CRAMP1: variants seen among roughly 807,000 people sequenced by gnomAD.
The protein encoded by CRAMP1 is protein cramped-like.
A neutral mutation model predicts 115.4 loss-of-function variants in CRAMP1; 50 were observed. The ratio of observed to expected loss-of-function variants is 0.43; its 90% CI spans 0.35 to 0.55. CRAMP1 has a LOEUF of 0.55. Among genes scored for constraint, CRAMP1 ranks in the 20% least tolerant of loss-of-function variants. The pLI is 0.01. For missense variants in CRAMP1, 1,679 were observed against 1,721.7 expected, an observed-to-expected ratio of 0.98 and a Z score of 0.44; for synonymous variants, 866 against 745.4, an observed-to-expected ratio of 1.16 and a Z score of -2.64.
Position 1,656,398 on chromosome 16 carries a change from G to A in CRAMP1, c.1641G>A (p.Gln547=). The change falls in exon 10 of 21, where the codon CAG becomes CAA. Residue 547 remains glutamine (Q), a synonymous_variant. Coordinates refer to ENST00000397412, the MANE Select transcript of CRAMP1 (RefSeq NM_020825.4). This position sits in a 1 kb window ranked among gnomAD's most constrained non-coding sequence, Gnocchi z 5.6. ...EPGALPCACG[Q]LPDLEDELSL... is the part of the protein sequence containing the mutation. ...GGGCCTTGCCGTGTGCCTGTGGCCA[G>A]CTCCCAGACCTGGAGGACGAGCTCT... The A allele has an allele frequency of 1.3e-6, 2 of 1,593,444 alleles. No homozygotes were observed. Among genetic ancestry groups the A allele is most frequent in the Non-Finnish European group, 1.7e-6 (2 of 1,170,128 alleles).
intron 8 of CRAMP1, among the ~76,000 whole-genome samples, chr16:1,653,514 C>T (rs1461261220): frequency 6.6e-6 from 1 of 152,174 alleles, no homozygotes; most frequent in African/African-American, 2.4e-5. Flanking sequence ...TGGAAATGGA[C>T]CCTTTTTCAT....
Position 1,650,752 on chromosome 16 carries a change from A to C in CRAMP1, c.828-1744A>C, listed in dbSNP as rs906969798. Among the ~76,000 whole-genome samples, 28 of 152,396 alleles carry C rather than the reference A, an allele frequency of 1.8e-4. No homozygotes were observed. In the Middle Eastern group the frequency reaches 0.01, roughly 56 times the overall value. On this transcript the variant is annotated intron_variant, in intron 6 of 20. Coordinates refer to ENST00000397412, the MANE Select transcript of CRAMP1 (RefSeq NM_020825.4). The stretch of plus-strand genomic sequence containing the variant: ...GAATAGCAACAGCAAATATAGAAGC[A>C]GCAACTCTCCTACCTGACGTGTGCA...
In CRAMP1 at chr16:1,659,398, CT is replaced by C. The variant is rs552037975; in HGVS notation, c.2236-478del. Among the ~76,000 whole-genome samples the C allele has an allele frequency of 2.0e-4, 30 of 148,316 alleles. 1 individual carries two copies. Among genetic ancestry groups the C allele is most frequent in the Admixed American group, 2.0e-4 (3 of 14,838 alleles). ...GATTGATTGATTGATTGATTTTTTT[CT>C]TTTTTTTTTGAGACGGAATCTTGCT... On this transcript the variant is annotated intron_variant, in intron 10 of 20. Transcript: ENST00000397412.
rs377608901 is a variant in CRAMP1 at position 1,659,855 on chromosome 16, T to C, written c.2236-31T>C. 32 of 1,607,502 alleles carry C rather than the reference T, an allele frequency of 2.0e-5. No individual in the cohort carries two copies. The African/African-American group carries it at 4.0e-4, about 20-fold the overall frequency. On this transcript the variant is annotated intron_variant, in intron 10 of 20. Transcript: ENST00000397412. ...AAGAGCCATTTCTCATGTGCTGAGT[T>C]TGGACATTGTTTGGCCCATTTCTGT...
chr16:1,644,799 G>C (rs566620632), intron 6 of CRAMP1, among the ~76,000 whole-genome samples: 1 of 152,262 alleles, frequency 6.6e-6, no homozygotes, highest in South Asian at 2.1e-4. Context: ...TGTGCCTCTC[G>C]TTCCCTGTGG....
intron 6 of CRAMP1, among the ~76,000 whole-genome samples, chr16:1,649,311 A>G (rs2036702990): frequency 6.6e-6 from 1 of 151,996 alleles, no homozygotes; most frequent in Non-Finnish European, 1.5e-5. Context: ...CGGACACGTG[A>G]GTGGATGGAT....
rs767786419 is a variant in CRAMP1 at position 1,660,011 on chromosome 16, C to T, written c.2361C>T (p.Ala787=). 6.2e-7 allele frequency: 1 copy of T among 1,603,104 alleles called. No individual in the cohort carries two copies. Among genetic ancestry groups the T allele is most frequent in the Non-Finnish European group, 8.5e-7 (1 of 1,179,548 alleles). Residue 787 remains alanine, a synonymous_variant, in exon 11 of 21, where the codon GCC becomes GCT. Coordinates refer to ENST00000397412, the MANE Select transcript of CRAMP1 (RefSeq NM_020825.4). Reference sequence around the variant, plus strand: ...GCCCCCGCTGCCCTCGGAACCAGGCCTCCCTCCGCAGCAGCAAGACCTTCC... The same window carrying T: ...GCCCCCGCTGCCCTCGGAACCAGGCTTCCCTCCGCAGCAGCAAGACCTTCC... ...SRSPRCPRNQ[A]SLRSSKTFPP...
At position 1,614,519 on chromosome 16, in the gene CRAMP1, C is replaced by T. The variant is rs2036399366; in HGVS notation, c.-1-120C>T. 6.2e-6 allele frequency: 3 copies of T among 485,778 alleles called. No individual in the cohort carries two copies. Among genetic ancestry groups the T allele is most frequent in the South Asian group, 1.8e-4 (2 of 11,060 alleles). The allele number at this position is 485,778 out of a possible 1,614,324, so 30.1% of individuals were successfully genotyped here. A position where few individuals can be genotyped will look rare whatever the true frequency, so the allele number is the denominator to read the frequency against. ...CTCGGGCGGGCTCGGGCGGGCCGGG[C>T]CGAGCCGCCGAGAGGGGATTTGGAA... On this transcript the variant is annotated intron_variant, in intron 1 of 20. Coordinates refer to ENST00000397412, the MANE Select transcript of CRAMP1 (RefSeq NM_020825.4). This position sits in a 1 kb window ranked among gnomAD's most constrained non-coding sequence, Gnocchi z 4.4.
rs898774875 is a variant in CRAMP1 at position 1,675,175 on chromosome 16, G to A, written c.*1130G>A. ...CCTTCGTGGTGGTCTCCCTCCTTGCGCCCTCTTGGGTGGCCAGCGTTCCTA... is the reference window on the plus strand; with the variant it reads ...CCTTCGTGGTGGTCTCCCTCCTTGCACCCTCTTGGGTGGCCAGCGTTCCTA... On this transcript the variant is annotated 3_prime_UTR_variant, in exon 21 of 21. Coordinates refer to ENST00000397412, the MANE Select transcript of CRAMP1 (RefSeq NM_020825.4). 5.9e-5 allele frequency: 9 copies of A among 152,366 alleles called. No individual in the cohort carries two copies. The highest frequency in any genetic ancestry group is 2.6e-4 in the Admixed American group (4 of 15,300). 9.4% of individuals were successfully genotyped at this position (152,366 alleles called of 1,614,324 possible). A position where few individuals can be genotyped will look rare whatever the true frequency, so the allele number is the denominator to read the frequency against.
chr16:1,615,150 T>C (rs1042648312), intron 2 of CRAMP1, among the ~76,000 whole-genome samples, 165 bp downstream of exon 2: 4 of 152,232 alleles, frequency 2.6e-5, no homozygotes, highest in Non-Finnish European at 5.9e-5. Flanking sequence ...GTCCCCTCTC[T>C]CCTTCGAAGA....
chr16:1,673,621 C>A (rs894391479), intron 20 of CRAMP1, among the ~76,000 whole-genome samples: 1 of 152,218 alleles, frequency 6.6e-6, no homozygotes, highest in East Asian at 1.9e-4. Context: ...GGTCTCATGG[C>A]GGGCGGGGGG....
chr16:1,635,001 C>T (rs1047759432), intron 4 of CRAMP1, among the ~76,000 whole-genome samples: 24 of 152,248 alleles, frequency 1.6e-4, no homozygotes, highest in African/African-American at 4.3e-4. Flanking sequence ...CAGTTTCAAG[C>T]GATTCTCATG....
Position 1,647,975 on chromosome 16 carries a change from C to T in CRAMP1, c.828-4521C>T, listed in dbSNP as rs113445565. Among the ~76,000 whole-genome samples the T allele has an allele frequency of 9.7e-3, 1,480 of 152,218 alleles. 13 individuals are homozygous for T. The highest frequency in any genetic ancestry group is 0.014 in the Non-Finnish European group (940 of 68,018). On this transcript the variant is annotated intron_variant, in intron 6 of 20. Transcript: ENST00000397412. ...CAGGCCTAAGCGTCACCCTGGCTTT[C>T]GCACTTGAACATGGCTTTTCATCGT...
chr16:1,645,061 T>C (rs1469061951), intron 6 of CRAMP1, among the ~76,000 whole-genome samples: 2 of 152,084 alleles, frequency 1.3e-5, no homozygotes, highest in African/African-American at 4.8e-5. Context: ...GTCATAGTTA[T>C]AGAAGTTTGT....
rs2036392913 is a variant in CRAMP1, at chr16:1,614,102, C to T, written c.-1-537C>T. ...GGCAGGTGCGCGGGGCCCGGGAGCCCCGCGCCTTTCGGGGGGCGGGGAGGG... is the reference window on the plus strand; with the variant it reads ...GGCAGGTGCGCGGGGCCCGGGAGCCTCGCGCCTTTCGGGGGGCGGGGAGGG... On this transcript the variant is annotated intron_variant, in intron 1 of 20. Coordinates refer to ENST00000397412, the MANE Select transcript of CRAMP1 (RefSeq NM_020825.4). The surrounding 1 kb of genome is among the most constrained non-coding windows in gnomAD (Gnocchi z 4.4). 7.3e-6 allele frequency among the ~76,000 whole-genome samples: 1 copy of T among 136,796 alleles called. No homozygotes were observed. The highest frequency in any genetic ancestry group is 1.6e-5 in the Non-Finnish European group (1 of 62,006). 89.7% of individuals were successfully genotyped at this position (136,796 alleles called of 152,430 possible).
chr16:1,627,298 G>T (rs146538863), intron 3 of CRAMP1, among the ~76,000 whole-genome samples: 1 of 152,060 alleles, frequency 6.6e-6, no homozygotes, highest in Non-Finnish European at 1.5e-5. Context: ...GGCACACGCC[G>T]CCACACCCAG....
chr16:1,634,802 A>T (rs535626754), intron 4 of CRAMP1, among the ~76,000 whole-genome samples: 3 of 152,210 alleles, frequency 2.0e-5, no homozygotes, highest in African/African-American at 7.2e-5. Flanking sequence ...GGCCACTAGG[A>T]CACTGCGAAG....
In CRAMP1 at chr16:1,666,558, T is replaced by G. The variant is rs574984598; in HGVS notation, c.2994T>G (p.Ser998=). 16 of 1,613,980 alleles carry G rather than the reference T, an allele frequency of 9.9e-6. No individual in the cohort carries two copies. In the South Asian group the frequency reaches 1.6e-4, roughly 17 times the overall value. ...EVTGAISGQD[S]TGTHQDGDTL... is the part of the protein sequence containing the mutation. The stretch of plus-strand genomic sequence containing the variant: ...CGGGTGCCATCTCGGGGCAGGACTC[T>G]ACTGGAACTCACCAGGATGGAGACA... The change falls in exon 16 of 21, where the codon TCT becomes TCG. Residue 998 remains serine, a synonymous_variant. Transcript: ENST00000397412. The surrounding 1 kb of genome is among the most constrained non-coding windows in gnomAD (Gnocchi z 5.0).
intron 6 of CRAMP1, chr16:1,645,353 A>T: frequency 4.0e-6 from 1 of 251,068 alleles, no homozygotes. Flanking sequence ...CGCCCGGCTA[A>T]TTTTTTATAT....
Sources: allele counts gnomAD v4.1 joint callset (sites outside exome capture counted in the v4.1 genomes callset), GRCh38; gene constraint gnomAD v4.1.1; non-coding constraint Gnocchi (gnomAD v3.1); transcripts MANE v1.5; gene names NCBI Gene and HGNC (gene_info 2026-07-23, HGNC 2026-07-21).